The following CCBE1 variants were observed in gnomAD, a reference collection of about 807,000 sequenced individuals.
The protein encoded by CCBE1 is collagen and calcium binding EGF domains 1, also known as collagen and calcium-binding EGF domain-containing protein 1.
Under a neutral mutation model 50.0 loss-of-function variants are expected in CCBE1, and 37 were observed. That is an observed-to-expected ratio of 0.74 (90% confidence interval 0.57 to 0.97). CCBE1 has a LOEUF of 0.97. Among genes scored for constraint, CCBE1 ranks in the 50% least tolerant of loss-of-function variants. CCBE1 has a pLI of 0.00. For missense variants in CCBE1, 538 were observed against 523.8 expected (o/e 1.03, Z -0.26); for synonymous variants, 234 against 203.7 (o/e 1.15, Z -1.27).
At chr18:59,468,272 C>A (rs1046309482) in intron 4 of CCBE1, among the ~76,000 whole-genome samples, 1 of 152,170 alleles carries the variant, frequency 6.6e-6, no homozygotes, top group Admixed American at 6.5e-5. Context: ...GTAGCTCCAG[C>A]TACTCAGGAG....
At chr18:59,583,115 G>T (rs762535745) in intron 2 of CCBE1, among the ~76,000 whole-genome samples, 3 of 152,174 alleles carry the variant, frequency 2.0e-5, no homozygotes, top group Non-Finnish European at 2.9e-5. Flanking sequence ...TAATGTGCTT[G>T]GCTGGTAACC....
chr18:59,618,875 G>C (rs1456668179), intron 2 of CCBE1, among the ~76,000 whole-genome samples: 1 of 152,092 alleles, frequency 6.6e-6, no homozygotes, highest in Non-Finnish European at 1.5e-5. Flanking sequence ...TGGAGGCTGA[G>C]AAAGTTTACA....
At chr18:59,457,286 A>G (rs1294316837) in intron 5 of CCBE1, among the ~76,000 whole-genome samples, 1 of 152,176 alleles carries the variant, frequency 6.6e-6, no homozygotes, top group African/African-American at 2.4e-5. Flanking sequence ...CGAGCTGAGC[A>G]GTAAGGGGGA....
chr18:59,560,598 C>A (rs151118805), intron 2 of CCBE1, among the ~76,000 whole-genome samples: 206 of 152,136 alleles, frequency 1.4e-3, no homozygotes, highest in Middle Eastern at 0.01. Context: ...CACACGTATC[C>A]CATAACTTAA....
At chr18:59,669,537 T>C (rs924682443) in intron 2 of CCBE1, among the ~76,000 whole-genome samples, 1 of 152,236 alleles carries the variant, frequency 6.6e-6, no homozygotes, top group Non-Finnish European at 1.5e-5. Flanking sequence ...GGGGAACACA[T>C]GGACATTGCT....
At chr18:59,535,036 T>G (rs1050288182) in intron 2 of CCBE1, among the ~76,000 whole-genome samples, 1 of 152,200 alleles carries the variant, frequency 6.6e-6, no homozygotes, top group Admixed American at 6.5e-5. Context: ...CAGTTTCGAA[T>G]CCCCAATTTC....
chr18:59,697,355 C>G lies in CCBE1; in HGVS notation c.-13G>C. Reference sequence around the variant, plus strand: ...GCGGCGGCACCATCAGGGAAGCTCCCGGCTTCTTCCCAGCGCCGAGCTCCG... The same window carrying G: ...GCGGCGGCACCATCAGGGAAGCTCCGGGCTTCTTCCCAGCGCCGAGCTCCG... On this transcript the variant is annotated 5_prime_UTR_variant, in exon 1 of 11. Transcript: ENST00000439986. 2 of 1,544,728 alleles carry G rather than the reference C, an allele frequency of 1.3e-6. No homozygotes were observed. Among genetic ancestry groups the G allele is most frequent in the Non-Finnish European group, 1.7e-6 (2 of 1,146,392 alleles).
At chr18:59,562,934 G>C (rs1268641057) in intron 2 of CCBE1, among the ~76,000 whole-genome samples, 1 of 152,214 alleles carries the variant, frequency 6.6e-6, no homozygotes, top group Non-Finnish European at 1.5e-5. Context: ...CCCAGTTTGA[G>C]TGGTGGTGTT....
At chr18:59,570,315 A>C (rs895404536) in intron 2 of CCBE1, among the ~76,000 whole-genome samples, 14 of 152,172 alleles carry the variant, frequency 9.2e-5, no homozygotes, top group African/African-American at 3.4e-4. Flanking sequence ...CACACAAAAG[A>C]GACACAAAAC....
At chr18:59,696,933 G>A (rs1365623211) in intron 1 of CCBE1, among the ~76,000 whole-genome samples, 1 of 152,206 alleles carries the variant, frequency 6.6e-6, no homozygotes, top group Non-Finnish European at 1.5e-5. Flanking sequence ...AGGAAGCGGG[G>A]TTCACGAGCT....
At chr18:59,500,386 A>T (rs1913561697) in intron 2 of CCBE1, among the ~76,000 whole-genome samples, 1 of 152,220 alleles carries the variant, frequency 6.6e-6, no homozygotes, top group South Asian at 2.1e-4. Flanking sequence ...GAGGAAGGGC[A>T]GGCAGGTCTT....
Position 59,541,912 on chromosome 18 carries a change from C to T in CCBE1, c.213-61674G>A, listed in dbSNP as rs185139234. ...ATCTTTGTGGCCAAGCATGGTGGCT[C>T]ATGCCTACAATCCTAGCACTTTGGG... On this transcript the variant is annotated intron_variant, in intron 2 of 10. Transcript: ENST00000439986. Among the ~76,000 whole-genome samples the T allele has an allele frequency of 1.6e-3, 251 of 152,166 alleles. 1 individual carries two copies. Among genetic ancestry groups the T allele is most frequent in the Middle Eastern group, 6.8e-3 (2 of 294 alleles).
At chr18:59,567,238 C>T (rs2052844229) in intron 2 of CCBE1, among the ~76,000 whole-genome samples, 1 of 152,038 alleles carries the variant, frequency 6.6e-6, no homozygotes. Flanking sequence ...CCTGCTTCAG[C>T]CTCCCAAGTA....
chr18:59,577,590 A>G lies in CCBE1; in HGVS notation c.213-97352T>C, dbSNP rs1459151032. On this transcript the variant is annotated intron_variant, in intron 2 of 10. Transcript: ENST00000439986. ...TTGTGGATTTTTAAGAATCAATTCC[A>G]TATGTATCCATGAATAAATGAGCAG... 2.0e-5 allele frequency among the ~76,000 whole-genome samples: 3 copies of G among 152,370 alleles called. No homozygotes were observed. In the East Asian group the frequency reaches 5.8e-4, roughly 29 times the overall value.
chr18:59,672,833 G>A (rs1352719794), intron 2 of CCBE1, among the ~76,000 whole-genome samples: 1 of 152,194 alleles, frequency 6.6e-6, no homozygotes, highest in African/African-American at 2.4e-5. Context: ...AAAGGCATAA[G>A]ACTTTGGGGA....
intron 2 of CCBE1, among the ~76,000 whole-genome samples, chr18:59,693,956 C>T (rs1416820907): frequency 2.1e-5 from 3 of 143,442 alleles, no homozygotes; most frequent in Non-Finnish European, 4.5e-5. Flanking sequence ...ACTGCAACCT[C>T]CGCCTCCTGG....
chr18:59,566,174 G>A (rs757260323), intron 2 of CCBE1, among the ~76,000 whole-genome samples: 12 of 152,224 alleles, frequency 7.9e-5, no homozygotes, highest in Non-Finnish European at 1.3e-4. Flanking sequence ...CAGATGCATG[G>A]TTTCCACATC....
chr18:59,577,246 A>G (rs185835146), intron 2 of CCBE1, among the ~76,000 whole-genome samples: 1 of 152,218 alleles, frequency 6.6e-6, no homozygotes, highest in Admixed American at 6.5e-5. Flanking sequence ...GCAGAAAAGC[A>G]TTTGTGGGGT....
chr18:59,541,281 T>C (rs1378879230), intron 2 of CCBE1, among the ~76,000 whole-genome samples: 1 of 152,146 alleles, frequency 6.6e-6, no homozygotes, highest in Non-Finnish European at 1.5e-5. Flanking sequence ...GAAGGGAAAA[T>C]CATGACAAAT....
Sources: gnomAD v4.1 joint callset for allele counts (sites outside exome capture counted in the v4.1 genomes callset) on GRCh38, gnomAD v4.1.1 for gene constraint, MANE v1.5 for transcripts, NCBI Gene and HGNC (gene_info 2026-07-23, HGNC 2026-07-21) for gene names.